Variants in GTF2I observed in about 807,000 individuals in gnomAD.
The protein encoded by GTF2I is general transcription factor II-I.
GTF2I carries 12 observed loss-of-function variants against 67.6 expected under a neutral mutation model. That is an observed-to-expected ratio of 0.18 (90% CI 0.11 to 0.29). GTF2I has a LOEUF of 0.29. Among genes scored for constraint, GTF2I ranks in the 10% least tolerant of loss-of-function variants. The pLI is 1.00. For missense variants in GTF2I, 271 were observed against 580.1 expected, an observed-to-expected ratio of 0.47 and a Z score of 5.47; for synonymous variants, 149 against 197.0, an observed-to-expected ratio of 0.76 and a Z score of 2.04.
intron 6 of GTF2I, 99 bp downstream of exon 6, chr7:74,700,733 G>A (rs1011591365): frequency 8.6e-7 from 1 of 1,166,290 alleles, no homozygotes. Flanking sequence ...TTGAGAATAT[G>A]ATGTCAGACA....
intron 3 of GTF2I, among the ~76,000 whole-genome samples, chr7:74,694,258 G>GCA (rs2131308491): frequency 6.6e-6 from 1 of 152,280 alleles, no homozygotes. Flanking sequence ...AAGAAAAATT[G>GCA]GAAGCTAGCA....
chr7:74,699,827 G>A (rs1789491397), intron 4 of GTF2I: 1 of 174,682 alleles, frequency 5.7e-6, no homozygotes, highest in Non-Finnish European at 1.2e-5. Context: ...TTGTAAATGG[G>A]AAGTTTGTAT....
At chr7:74,737,913 A>AT (rs879945799) in intron 18 of GTF2I, 132 bp from the exon 19 acceptor site, 24 of 112,506 alleles carry the variant, frequency 2.1e-4, no homozygotes, top group Middle Eastern at 3.4e-3. Flanking sequence ...CACCAAAATG[A>AT]TTTTTTTTTC....
At position 74,660,503 on chromosome 7, in the gene GTF2I, CTT is replaced by C. The variant is rs1198299898; in HGVS notation, c.-6+2436_-6+2437del. On this transcript the variant is annotated intron_variant, in intron 1 of 34. Coordinates refer to ENST00000573035, the MANE Select transcript of GTF2I (RefSeq NM_032999.4). ...CACCGCTCCCGGCCTGTGGTCTTCT[CTT>C]ATATTGCATAGTCAGAGTTTGTTCC... 2.0e-5 allele frequency among the ~76,000 whole-genome samples: 3 copies of C among 152,054 alleles called. No homozygotes were observed. The East Asian group carries it at 5.8e-4, about 29-fold the overall frequency.
chr7:74,702,512 G>A (rs1162738039), intron 6 of GTF2I, among the ~76,000 whole-genome samples: 3 of 152,052 alleles, frequency 2.0e-5, no homozygotes, highest in Non-Finnish European at 4.4e-5. Context: ...GTGAGCCATC[G>A]CGCCCTGCTA....
chr7:74,681,103 A>G (rs1166213572), intron 1 of GTF2I, among the ~76,000 whole-genome samples: 5 of 152,218 alleles, frequency 3.3e-5, no homozygotes, highest in African/African-American at 1.2e-4. Context: ...CGAAAGGTGA[A>G]GTCAAAAAAC....
At chr7:74,667,138 A>G (rs1416518593) in intron 1 of GTF2I, among the ~76,000 whole-genome samples, 1 of 152,066 alleles carries the variant, frequency 6.6e-6, no homozygotes, top group Non-Finnish European at 1.5e-5. Context: ...GAACAAGACT[A>G]TGTCTCAAGG....
chr7:74,707,507 G>A (rs1203359100), intron 8 of GTF2I, among the ~76,000 whole-genome samples: 2 of 152,220 alleles, frequency 1.3e-5, no homozygotes, highest in African/African-American at 2.4e-5. Context: ...CCGCGTTAAC[G>A]TGTGTGTGCG....
chr7:74,728,540 T>C (rs1473737449), intron 12 of GTF2I, among the ~76,000 whole-genome samples: 1 of 99,150 alleles, frequency 1.0e-5, no homozygotes, highest in Non-Finnish European at 2.0e-5. Context: ...ACAATTCAAA[T>C]GAAGCAAACT....
intron 1 of GTF2I, among the ~76,000 whole-genome samples, chr7:74,686,974 C>T (rs1227906306): frequency 6.6e-6 from 1 of 151,654 alleles, no homozygotes; most frequent in Non-Finnish European, 1.5e-5. Context: ...ACTGCAACCT[C>T]CACCTACTGG....
At chr7:74,731,009 T>G (rs1794430233) in intron 14 of GTF2I, among the ~76,000 whole-genome samples, 1 of 145,224 alleles carries the variant, frequency 6.9e-6, no homozygotes, top group Non-Finnish European at 1.5e-5. Flanking sequence ...TCCCGGCCAC[T>G]GCTTTTATCT....
At chr7:74,701,349 A>G (rs782369436) in intron 6 of GTF2I, among the ~76,000 whole-genome samples, 4 of 152,204 alleles carry the variant, frequency 2.6e-5, no homozygotes, top group Non-Finnish European at 4.4e-5. Context: ...TTATATATAC[A>G]TAAACATACA....
chr7:74,717,060 CT>C, intron 11 of GTF2I, 110 bp downstream of exon 11: 2 of 1,423,338 alleles, frequency 1.4e-6, no homozygotes, highest in East Asian at 2.5e-5. Context: ...AGGTGATTCC[CT>C]TGGTATGCCT....
rs1231469194 is a variant in GTF2I at position 74,712,534 on chromosome 7, GTGTC to G, written c.763+1426_763+1429del. On this transcript the variant is annotated intron_variant, in intron 9 of 34. Coordinates refer to ENST00000573035, the MANE Select transcript of GTF2I (RefSeq NM_032999.4). ...TGTGTGTGTGTGTGTGTGTGTGTGT[GTGTC>G]ATGTCATATTTATTGTTTTATATAT... 1.0e-3 allele frequency among the ~76,000 whole-genome samples: 126 copies of G among 122,218 alleles called. No homozygotes were observed. In the East Asian group the frequency reaches 0.02, roughly 19 times the overall value. 80.2% of individuals were successfully genotyped at this position (122,218 alleles called of 152,430 possible).
chr7:74,718,096 T>A (rs1429953687), intron 11 of GTF2I, among the ~76,000 whole-genome samples: 1 of 152,248 alleles, frequency 6.6e-6, no homozygotes, highest in Non-Finnish European at 1.5e-5. Flanking sequence ...CTCACCGCCT[T>A]GCAGCCCCGC....
At chr7:74,668,298 TG>T (rs1261350717) in intron 1 of GTF2I, among the ~76,000 whole-genome samples, 1 of 149,998 alleles carries the variant, frequency 6.7e-6, no homozygotes, top group African/African-American at 2.5e-5. Context: ...TTGTGGTTTT[TG>T]GAGTCTTTGT....
chr7:74,720,260 C>T (rs1247595702), intron 12 of GTF2I, among the ~76,000 whole-genome samples: 1 of 152,132 alleles, frequency 6.6e-6, no homozygotes, highest in Non-Finnish European at 1.5e-5. Context: ...TTTTTTCTAG[C>T]TGCTGCGTAA....
chr7:74,724,130 A>T (rs1302204288), intron 12 of GTF2I, among the ~76,000 whole-genome samples: 2 of 152,028 alleles, frequency 1.3e-5, no homozygotes, highest in Non-Finnish European at 1.5e-5. Flanking sequence ...CTTTGTTTTA[A>T]ATTTTTTTTA....
At chr7:74,704,711 G>A (rs1790359569) in intron 6 of GTF2I, among the ~76,000 whole-genome samples, 1 of 151,918 alleles carries the variant, frequency 6.6e-6, no homozygotes, top group African/African-American at 2.4e-5. Context: ...AATTAGCTGG[G>A]AGTGGTAATG....
Sources: gnomAD v4.1 joint callset for allele counts (sites outside exome capture counted in the v4.1 genomes callset) on GRCh38, gnomAD v4.1.1 for gene constraint, MANE v1.5 for transcripts, NCBI Gene and HGNC (gene_info 2026-07-23, HGNC 2026-07-21) for gene names.